The following PRCD variants were observed in gnomAD, a reference collection of about 807,000 sequenced individuals.
The protein encoded by PRCD is photoreceptor disk component PRCD.
PRCD carries 12 observed loss-of-function variants against 10.1 expected under a neutral mutation model. That is an observed-to-expected ratio of 1.18 (90% CI 0.76 to 1.92). The LOEUF is 1.92. Among genes scored for constraint, PRCD ranks in the 40% most tolerant of loss-of-function variants. The pLI, the probability that PRCD is intolerant of heterozygous loss-of-function variation, is 0.00. For missense variants in PRCD, 61 were observed against 72.2 expected (o/e 0.84, Z 0.56); for synonymous variants, 31 against 26.2 (o/e 1.18, Z -0.56).
downstream of PRCD, among the ~76,000 whole-genome samples, chr17:76,548,291 GACAT>G (rs1185593147): frequency 6.6e-6 from 1 of 152,116 alleles, no homozygotes; most frequent in Non-Finnish European, 1.5e-5. Context: ...CACACAGAGA[GACAT>G]ACACATACAC....
exon 2 of PRCD, chr17:76,553,541 T>C (rs746027269): frequency 4.6e-5 from 7 of 152,250 alleles, no homozygotes; most frequent in Non-Finnish European, 1.0e-4. Flanking sequence ...TGTGTTCTTA[T>C]TAATAAAATT....
chr17:76,545,460 G>C (rs77100944), downstream of PRCD: 14,939 of 438,174 alleles, frequency 0.034, 1,769 homozygotes, highest in African/African-American at 0.26. Flanking sequence ...TCAGGGGCTT[G>C]GGAGAGGGCA....
chr17:76,538,853 G>A (rs2074954206), upstream of PRCD, among the ~76,000 whole-genome samples: 1 of 152,264 alleles, frequency 6.6e-6, no homozygotes, highest in Non-Finnish European at 1.5e-5. Flanking sequence ...GGCGACCCCT[G>A]TCCTCGCTCA....
upstream of PRCD, chr17:76,538,411 G>A (rs1270044862): frequency 2.1e-5 from 9 of 426,042 alleles, no homozygotes; most frequent in Middle Eastern, 4.5e-4. Context: ...AGAGGCCTGC[G>A]CCCCCTCTCC....
upstream of PRCD, chr17:76,538,426 G>A (rs563699991): frequency 6.2e-5 from 28 of 451,414 alleles, no homozygotes; most frequent in South Asian, 4.3e-4. Context: ...CTCTCCTTCC[G>A]CCCAGCACCT....
chr17:76,529,659 G>C (rs1474021884), intron 1 of PRCD: 3 of 985,372 alleles, frequency 3.0e-6, no homozygotes, highest in South Asian at 9.4e-5. Context: ...GGGAGGGCAG[G>C]CAAGCCCCCT....
chr17:76,529,470 G>A lies in PRCD; in HGVS notation n.45+1637G>A, dbSNP rs549304558. ...CAGGGTGGGGAGGGCAGGACGGGCA[G>A]CGTGCTGGGGAACTTGGGCCATGTG... On this transcript the variant is annotated intron_variant and non_coding_transcript_variant, in intron 1 of 4. Coordinates refer to the PRCD transcript ENST00000397633. 2.8e-4 allele frequency: 274 copies of A among 985,480 alleles called. No individual in the cohort carries two copies. The Admixed American group carries it at 0.012, about 43-fold the overall frequency. The allele number at this position is 985,480 out of a possible 1,614,324, so 61.0% of individuals were successfully genotyped here.
At chr17:76,539,068 C>G (rs138217227), upstream of PRCD, among the ~76,000 whole-genome samples, 11 of 152,226 alleles carry the variant, frequency 7.2e-5, no homozygotes, top group African/African-American at 2.7e-4. Flanking sequence ...GCCTCTGACA[C>G]TGTCTCCCCC....
Position 76,528,940 on chromosome 17 carries a change from T to C in PRCD, n.45+1107T>C. 1 of 1,110,370 alleles carries C rather than the reference T, an allele frequency of 9.0e-7. No individual in the cohort carries two copies. The highest frequency in any genetic ancestry group is 1.6e-5 in the African/African-American group (1 of 61,696). 68.8% of individuals were successfully genotyped at this position (1,110,370 alleles called of 1,614,324 possible). Reference sequence around the variant, plus strand: ...CCAATGTGAGCTCTTTTTCCATTAATTCTGAAACGTGGCGCATTCTGTCCG... The same window carrying C: ...CCAATGTGAGCTCTTTTTCCATTAACTCTGAAACGTGGCGCATTCTGTCCG... On this transcript the variant is annotated intron_variant and non_coding_transcript_variant, in intron 1 of 4. Transcript: ENST00000397633. The surrounding 1 kb of genome is among the most constrained non-coding windows in gnomAD (Gnocchi z 5.8).
In PRCD at chr17:76,544,400, G is replaced by A. The variant is rs528379750; in HGVS notation, c.*750G>A. 32 of 454,940 alleles carry A rather than the reference G, an allele frequency of 7.0e-5. No homozygotes were observed. Among genetic ancestry groups the A allele is most frequent in the African/African-American group, 5.2e-4 (26 of 50,158 alleles). The allele number at this position is 454,940 out of a possible 1,614,324, so 28.2% of individuals were successfully genotyped here. On this transcript the variant is annotated 3_prime_UTR_variant, in exon 5 of 5. Transcript: ENST00000592014. ...GGGATGCCGCAGAGCAGAGGGAACC[G>A]CTGGGGAGGCGCTCAGGGTGGGGGA... is the stretch of plus-strand genomic sequence containing the variant.
Position 76,540,250 on chromosome 17 carries a change from T to TGGGGGGGG in PRCD, c.74+35_74+36insGGGGGGGG. The TGGGGGGGG allele has an allele frequency of 2.2e-6, 1 of 463,680 alleles. No individual in the cohort carries two copies. Among genetic ancestry groups the TGGGGGGGG allele is most frequent in the East Asian group, 4.2e-5 (1 of 23,658 alleles). 28.7% of individuals were successfully genotyped at this position (463,680 alleles called of 1,614,324 possible). A position where few individuals can be genotyped will look rare whatever the true frequency, so the allele number is the denominator to read the frequency against. ...TGACCGGGCTATGGCTGGCGGTTGGTCGGGGGGGGGGGGCATGGGGCTGGG... is the reference window on the plus strand; with the variant it reads ...TGACCGGGCTATGGCTGGCGGTTGGTGGGGGGGGCGGGGGGGGGGGGCATGGGGCTGGG... On this transcript the variant is annotated intron_variant, in intron 1 of 4. Transcript: ENST00000592014. The surrounding 1 kb of genome is among the most constrained non-coding windows in gnomAD (Gnocchi z 5.0).
Position 76,552,387 on chromosome 17 carries a change from G to C in PRCD, n.84-722G>C, listed in dbSNP as rs963515869. The stretch of plus-strand genomic sequence containing the variant: ...TTTTTTTTTTTGTATTTTTAGTAGA[G>C]ATGGGGTTTCACTGTGTTAGCCAGG... On this transcript the variant is annotated intron_variant and non_coding_transcript_variant, in intron 1 of 1. Transcript: ENST00000587063. 2.0e-5 allele frequency among the ~76,000 whole-genome samples: 3 copies of C among 151,542 alleles called. No individual in the cohort carries two copies. The East Asian group carries it at 5.9e-4, about 30-fold the overall frequency.
chr17:76,535,124 G>C (rs1366164534), upstream of PRCD, among the ~76,000 whole-genome samples: 2 of 152,244 alleles, frequency 1.3e-5, no homozygotes, highest in Admixed American at 1.3e-4. Flanking sequence ...GAATGGAAGT[G>C]TGGGGTCTGC....
At position 76,530,038 on chromosome 17, in the gene PRCD, C is replaced by T. The variant is rs565732883; in HGVS notation, n.45+2205C>T. On this transcript the variant is annotated intron_variant and non_coding_transcript_variant, in intron 1 of 4. Transcript: ENST00000397633. This position sits in a 1 kb window ranked among gnomAD's most constrained non-coding sequence, Gnocchi z 6.1. ...GAGCTGTGCCTGTGAACAGAAGGGCCGGCAGTCTTGGGGGCCCGTGCAGAG... is the reference window on the plus strand; with the variant it reads ...GAGCTGTGCCTGTGAACAGAAGGGCTGGCAGTCTTGGGGGCCCGTGCAGAG... The T allele has an allele frequency of 7.1e-6, 7 of 985,368 alleles. No individual in the cohort carries two copies. Among genetic ancestry groups the T allele is most frequent in the Admixed American group, 6.1e-5 (1 of 16,286 alleles). 61.0% of individuals were successfully genotyped at this position (985,368 alleles called of 1,614,324 possible).
intron 1 of PRCD, chr17:76,553,042 G>A (rs945152660): frequency 2.6e-5 from 4 of 151,464 alleles, no homozygotes; most frequent in Admixed American, 2.0e-4. Flanking sequence ...TGGGACTGGC[G>A]GTTTCTGCGG....
rs1266114721 is a variant in PRCD, at chr17:76,531,620, A to T, written n.45+3787A>T. 6.2e-7 allele frequency: 1 copy of T among 1,613,276 alleles called. No individual in the cohort carries two copies. The highest frequency in any genetic ancestry group is 1.7e-5 in the Admixed American group (1 of 60,012). On this transcript the variant is annotated intron_variant and non_coding_transcript_variant, in intron 1 of 4. Coordinates refer to the PRCD transcript ENST00000397633. The surrounding 1 kb of genome is among the most constrained non-coding windows in gnomAD (Gnocchi z 7.4). ...CTTCCGCAGCTGGGGGCTCCGCTCC[A>T]TCTCCAGGGGATCCTCCATGTGCTT...
At chr17:76,529,447 G>A (rs1188377699) in intron 1 of PRCD, 1 of 985,368 alleles carries the variant, frequency 1.0e-6, no homozygotes, top group East Asian at 1.1e-4. Context: ...CCCTAGGGCA[G>A]GGTGGGGAGG....
At chr17:76,549,454 G>A (rs960224186), downstream of PRCD, among the ~76,000 whole-genome samples, 1 of 152,236 alleles carries the variant, frequency 6.6e-6, no homozygotes, top group Non-Finnish European at 1.5e-5. Flanking sequence ...GCCTACCAGA[G>A]TGGTTACAGC....
At position 76,531,252 on chromosome 17, in the gene PRCD, G is replaced by T; in HGVS notation, n.45+3419G>T. 2 of 1,314,738 alleles carry T rather than the reference G, an allele frequency of 1.5e-6. No individual in the cohort carries two copies. Among genetic ancestry groups the T allele is most frequent in the Non-Finnish European group, 2.1e-6 (2 of 955,740 alleles). The allele number at this position is 1,314,738 out of a possible 1,614,324, so 81.4% of individuals were successfully genotyped here. The stretch of plus-strand genomic sequence containing the variant: ...CGAGAGGATCATTCCTAACGCAACA[G>T]TCTGGCAGCTTTGGGAACCCCGTGC... On this transcript the variant is annotated intron_variant and non_coding_transcript_variant, in intron 1 of 4. Coordinates refer to the PRCD transcript ENST00000397633. The surrounding 1 kb of genome is among the most constrained non-coding windows in gnomAD (Gnocchi z 7.4).
Sources: allele counts gnomAD v4.1 joint callset (sites outside exome capture counted in the v4.1 genomes callset), GRCh38; gene constraint gnomAD v4.1.1; non-coding constraint Gnocchi (gnomAD v3.1); transcripts MANE v1.5; gene names NCBI Gene and HGNC (gene_info 2026-07-23, HGNC 2026-07-21).